SERPINB8: variants seen among roughly 807,000 people sequenced by gnomAD.
SERPINB8 encodes serpin family B member 8.
A neutral mutation model predicts 35.3 loss-of-function variants in SERPINB8; 25 were observed. The observed-to-expected ratio is 0.71, with a 90% CI of 0.52 to 0.99. SERPINB8 has a LOEUF of 0.99. Among genes scored for constraint, SERPINB8 ranks in the 50% least tolerant of loss-of-function variants. SERPINB8 has a pLI of 0.00. For synonymous variants in SERPINB8, 186 were observed against 160.8 expected (o/e 1.16, Z -1.19); for missense variants, 484 against 446.5 (o/e 1.08, Z -0.76).
At chr18:64,013,592 C>A (rs1185079893) in intron 7 of SERPINB8, among the ~76,000 whole-genome samples, 1 of 152,042 alleles carries the variant, frequency 6.6e-6, no homozygotes, top group Admixed American at 6.5e-5. Flanking sequence ...TAATAATAAG[C>A]AAAAGAGATG....
rs1197270892 is a variant in SERPINB8, at chr18:63,978,317, C to A, written c.9C>A (p.Asp3Glu). The change falls in exon 2 of 7, where the codon GAC (aspartate) becomes GAA (glutamate). Residue 3 changes from aspartate to glutamate, a missense_variant. Physicochemically the swap from Asp to Glu is conservative, Grantham distance 45. Coordinates refer to ENST00000397985, the MANE Select transcript of SERPINB8 (RefSeq NM_002640.4). The part of the protein sequence containing the change: MD[D>E]LCEANGTFAI... ...GATGCAGACCTTCTCTGATGGATGA[C>A]CTCTGTGAAGCAAATGGCACTTTTG... The A allele has an allele frequency of 8.7e-6, 14 of 1,614,032 alleles. No homozygotes were observed. The highest frequency in any genetic ancestry group is 1.1e-5 in the South Asian group (1 of 91,088).
intron 6 of SERPINB8, chr18:63,986,467 A>G: frequency 7.2e-7 from 1 of 1,390,794 alleles, no homozygotes; most frequent in Non-Finnish European, 9.3e-7. Flanking sequence ...CATTAGACTC[A>G]GAAGCAGAGT....
At position 63,998,246 on chromosome 18, in the gene SERPINB8, A is replaced by T. The variant is rs137932785; in HGVS notation, c.71-6573A>T. Among the ~76,000 whole-genome samples the T allele has an allele frequency of 2.6e-5, 4 of 152,310 alleles. No individual in the cohort carries two copies. The East Asian group carries it at 7.7e-4, about 29-fold the overall frequency. ...TTGATGAGTTCTCTGTATTTGGACT[A>T]GTCATCCCCATGTGTTTCCCTGACT... On this transcript the variant is annotated intron_variant, in intron 1 of 1. Coordinates refer to the SERPINB8 transcript ENST00000493661.
intron 5 of SERPINB8, among the ~76,000 whole-genome samples, chr18:63,984,003 G>A (rs1409296311): frequency 6.6e-6 from 1 of 151,996 alleles, no homozygotes; most frequent in African/African-American, 2.4e-5. Context: ...CACACCACCA[G>A]GCCTGGCTAA....
At chr18:63,975,991 C>T (rs760484104) in intron 1 of SERPINB8, among the ~76,000 whole-genome samples, 45 of 152,130 alleles carry the variant, frequency 3.0e-4, no homozygotes, top group Non-Finnish European at 4.7e-4. Flanking sequence ...GATGAGGCTC[C>T]ATCTGTTTAT....
At chr18:64,005,102 A>C in exon 2 of SERPINB8, 1 of 363,232 alleles carries the variant, frequency 2.8e-6, no homozygotes, top group Non-Finnish European at 4.9e-6. Flanking sequence ...GAAATATAAA[A>C]GGATTTGGTT....
chr18:63,993,666 T>C (rs1191650908), downstream of SERPINB8, among the ~76,000 whole-genome samples: 1 of 152,222 alleles, frequency 6.6e-6, no homozygotes, highest in African/African-American at 2.4e-5. Context: ...TGTCCAACTA[T>C]AATTGTTGAC....
downstream of SERPINB8, among the ~76,000 whole-genome samples, chr18:64,009,908 C>T (rs2050918132): frequency 1.3e-5 from 2 of 151,598 alleles, no homozygotes; most frequent in South Asian, 4.2e-4. Flanking sequence ...TGTGACAAAA[C>T]AATAAGAGGA....
downstream of SERPINB8, among the ~76,000 whole-genome samples, chr18:63,990,073 T>G (rs2050815888): frequency 1.1e-5 from 1 of 93,582 alleles, no homozygotes; most frequent in African/African-American, 7.3e-5. Context: ...GTTTTCGTGT[T>G]TTTTTTTTTT....
chr18:63,979,680 G>A (rs140704249), intron 2 of SERPINB8, 121 bp from the exon 3 acceptor site: 2 of 1,242,470 alleles, frequency 1.6e-6, no homozygotes, highest in African/African-American at 3.0e-5. Flanking sequence ...TAGACAATTA[G>A]GCCAAACCTT....
intron 1 of SERPINB8, among the ~76,000 whole-genome samples, chr18:63,998,039 T>C (rs1412704179): frequency 6.6e-6 from 1 of 152,206 alleles, no homozygotes; most frequent in Non-Finnish European, 1.5e-5. Flanking sequence ...GCATGAACTA[T>C]TATCTTCAAA....
chr18:64,003,373 G>A (rs906997783), intron 1 of SERPINB8, among the ~76,000 whole-genome samples: 1 of 152,068 alleles, frequency 6.6e-6, no homozygotes, highest in Non-Finnish European at 1.5e-5. Flanking sequence ...TAGGGACTGG[G>A]GAAGCCGCTG....
At position 63,986,937 on chromosome 18, in the gene SERPINB8, A is replaced by G. The variant is rs2050765066; in HGVS notation, c.784A>G (p.Ser262Gly). The change falls in exon 7 of 7, where the codon AGT becomes GGT. Residue 262 changes from serine to glycine, a missense_variant. Ser to Gly is a moderately conservative substitution (Grantham distance 56). Transcript: ENST00000397985. ...GACAAATTCAGAAAAGTTGACAAAA[A>G]GTAAGGTTCAAGTTTTCCTTCCCAG... ...AWTNSEKLTKSKVQVFLPRLK... is the reference protein window; with the variant it reads ...AWTNSEKLTKGKVQVFLPRLK... The G allele has an allele frequency of 1.2e-6, 2 of 1,613,788 alleles. No individual in the cohort carries two copies. The highest frequency in any genetic ancestry group is 1.3e-5 in the African/African-American group (1 of 74,912).
chr18:64,007,767 C>A (rs1345417368), downstream of SERPINB8, among the ~76,000 whole-genome samples: 1 of 152,162 alleles, frequency 6.6e-6, no homozygotes, highest in Non-Finnish European at 1.5e-5. Flanking sequence ...CTCATGAGAA[C>A]AGCACCAAGA....
At chr18:63,976,089 G>C (rs2050577396) in intron 1 of SERPINB8, among the ~76,000 whole-genome samples, 1 of 152,240 alleles carries the variant, frequency 6.6e-6, no homozygotes, top group Non-Finnish European at 1.5e-5. Context: ...TTCCAAACTG[G>C]AGCATATTTT....
rs901619420 is a variant in SERPINB8, at chr18:63,987,119, T to C, written c.966T>C (p.Asn322=). ...KVAHKCFVEV[N]EEGTEAAAAT... ...CCCACAAGTGCTTCGTGGAGGTCAA[T>C]GAGGAAGGCACAGAGGCTGCCGCAG... Residue 322 remains asparagine (N), a synonymous_variant, in exon 7 of 7, where the codon AAT becomes AAC. Coordinates refer to ENST00000397985, the MANE Select transcript of SERPINB8 (RefSeq NM_002640.4). The C allele has an allele frequency of 1.2e-6, 2 of 1,613,992 alleles. No individual in the cohort carries two copies. Among genetic ancestry groups the C allele is most frequent in the Non-Finnish European group, 1.7e-6 (2 of 1,180,022 alleles).
chr18:63,995,184 C>T (rs2050843327), intron 1 of SERPINB8, among the ~76,000 whole-genome samples: 1 of 152,132 alleles, frequency 6.6e-6, no homozygotes. Flanking sequence ...GTCATCCCTC[C>T]CAGTGACTCT....
chr18:63,983,516 G>A (rs1244686628), intron 4 of SERPINB8, 63 bp from the exon 5 acceptor site: 2 of 1,538,448 alleles, frequency 1.3e-6, no homozygotes, highest in South Asian at 1.1e-5. Flanking sequence ...TGTGTCAAAG[G>A]GATTTTTGTA....
Position 63,987,397 on chromosome 18 carries a change from T to TA in SERPINB8, c.*120dup. ...GCCAAAATAAAGCGTGTGCACTGGATAGTGTGTGAAAGTCTTTGCTGAAAG... is the reference window on the plus strand; with the variant it reads ...GCCAAAATAAAGCGTGTGCACTGGATAAGTGTGTGAAAGTCTTTGCTGAAAG... On this transcript the variant is annotated 3_prime_UTR_variant, in exon 7 of 7. Transcript: ENST00000397985. The TA allele has an allele frequency of 2.8e-6, 3 of 1,053,354 alleles. No individual in the cohort carries two copies. Among genetic ancestry groups the TA allele is most frequent in the Non-Finnish European group, 4.1e-6 (3 of 723,542 alleles). 65.3% of individuals were successfully genotyped at this position (1,053,354 alleles called of 1,614,324 possible). A position where few individuals can be genotyped will look rare whatever the true frequency, so the allele number is the denominator to read the frequency against.
Sources: gnomAD v4.1 joint callset for allele counts (sites outside exome capture counted in the v4.1 genomes callset) on GRCh38, gnomAD v4.1.1 for gene constraint, MANE v1.5 for transcripts, NCBI Gene and HGNC (gene_info 2026-07-23, HGNC 2026-07-21) for gene names.